The following P3H3 variants were observed in gnomAD, a reference collection of about 807,000 sequenced individuals.
P3H3 encodes the protein prolyl 3-hydroxylase 3.
In P3H3, 64 loss-of-function variants were observed where a neutral mutation model predicts 78.1. The ratio of observed to expected loss-of-function variants is 0.82; its 90% CI spans 0.67 to 1.01. P3H3 has a LOEUF of 1.01. Ranked by LOEUF, P3H3 falls within the 50% of genes least tolerant of loss-of-function variation. The probability of loss-of-function intolerance (pLI) is 0.00; values close to 1 mark genes in which losing one functional copy is unlikely to be tolerated. For synonymous variants in P3H3, 425 were observed against 416.7 expected, an observed-to-expected ratio of 1.02 and a Z score of -0.24; for missense variants, 975 against 982.2, an observed-to-expected ratio of 0.99 and a Z score of 0.10.
At position 6,829,423 on chromosome 12, in the gene P3H3, G is replaced by A. The variant is rs972698583; in HGVS notation, c.499-436G>A. 1.3e-5 allele frequency: 3 copies of A among 237,878 alleles called. No individual in the cohort carries two copies. Among genetic ancestry groups the A allele is most frequent in the Non-Finnish European group, 2.4e-5 (3 of 122,554 alleles). 14.7% of individuals were successfully genotyped at this position (237,878 alleles called of 1,614,324 possible). ...GCGGGCGGGGAGGGGACAGCACGCC[G>A]CAGCCGCCGGTACCGCAGCAGTTGC... On this transcript the variant is annotated intron_variant, in intron 1 of 14. Coordinates refer to ENST00000290510, the MANE Select transcript of P3H3 (RefSeq NM_014262.5). This position sits in a 1 kb window ranked among gnomAD's most constrained non-coding sequence, Gnocchi z 5.1.
Position 6,829,680 on chromosome 12 carries a change from C to G in P3H3, c.499-179C>G, listed in dbSNP as rs1386734290. ...GGTGCCAGCCTTCTGAGAGTCCCAACGTTCTGGCCTCTAGGGGATCTGCAG... is the reference window on the plus strand; with the variant it reads ...GGTGCCAGCCTTCTGAGAGTCCCAAGGTTCTGGCCTCTAGGGGATCTGCAG... On this transcript the variant is annotated intron_variant, in intron 1 of 14. Transcript: ENST00000290510. This position sits in a 1 kb window ranked among gnomAD's most constrained non-coding sequence, Gnocchi z 5.1. 2 of 646,116 alleles carry G rather than the reference C, an allele frequency of 3.1e-6. No homozygotes were observed. Among genetic ancestry groups the G allele is most frequent in the Non-Finnish European group, 5.4e-6 (2 of 370,288 alleles). 40.0% of individuals were successfully genotyped at this position (646,116 alleles called of 1,614,324 possible).
chr12:6,838,568 C>T (rs3759348), intron 13 of P3H3, among the ~76,000 whole-genome samples: 44,188 of 151,906 alleles, frequency 0.29, 6,594 homozygotes, highest in East Asian at 0.37. Context: ...TTCCGGACAC[C>T]AGGGGCTAGG....
chr12:6,834,926 G>A (rs968888394), intron 9 of P3H3: 1 of 140,460 alleles, frequency 7.1e-6, no homozygotes, highest in East Asian at 2.1e-4. Flanking sequence ...CAACAAGAGC[G>A]AAACTCCATC....
intron 13 of P3H3, among the ~76,000 whole-genome samples, chr12:6,838,794 G>A (rs1299765421): frequency 2.0e-5 from 3 of 152,120 alleles, no homozygotes; most frequent in Non-Finnish European, 2.9e-5. Flanking sequence ...TTTTCCTTTG[G>A]TTCCCAACTC....
chr12:6,838,454 C>T (rs149686316), intron 13 of P3H3, among the ~76,000 whole-genome samples: 27 of 152,080 alleles, frequency 1.8e-4, no homozygotes, highest in South Asian at 4.2e-4. Flanking sequence ...AATAATAGTA[C>T]GTATTTTAAA....
chr12:6,829,364 A>G lies in P3H3; in HGVS notation c.498+426A>G. The stretch of plus-strand genomic sequence containing the variant: ...GCTTCGGAAAGGAAGGAGCAGACGG[A>G]GGCAAGGTTGGGGTCCTCCGAGGCC... On this transcript the variant is annotated intron_variant, in intron 1 of 14. Coordinates refer to ENST00000290510, the MANE Select transcript of P3H3 (RefSeq NM_014262.5). This position sits in a 1 kb window ranked among gnomAD's most constrained non-coding sequence, Gnocchi z 5.1. 1 of 216,272 alleles carries G rather than the reference A, an allele frequency of 4.6e-6. No homozygotes were observed. Among genetic ancestry groups the G allele is most frequent in the Non-Finnish European group, 9.0e-6 (1 of 111,146 alleles). The allele number at this position is 216,272 out of a possible 1,614,324, so 13.4% of individuals were successfully genotyped here.
At position 6,834,019 on chromosome 12, in the gene P3H3, C is replaced by T. The variant is rs782033654; in HGVS notation, c.1428C>T (p.Ala476=). 1.3e-5 allele frequency: 21 copies of T among 1,613,692 alleles called. No individual in the cohort carries two copies. The East Asian group carries it at 2.2e-4, about 17-fold the overall frequency. ...TGTTGGATGGGCTGCTCACCCCAGC[C>T]GAGTGTGGGGTGCTGCTGCAGCTGG... ...RAVLDGLLTP[A]ECGVLLQLAK... The change falls in exon 9 of 15, where the codon GCC becomes GCT. Residue 476 remains alanine, a synonymous_variant. Coordinates refer to ENST00000290510, the MANE Select transcript of P3H3 (RefSeq NM_014262.5).
rs781808426 is a variant in P3H3, at chr12:6,830,958, G to A, written c.985+188G>A. 221 of 883,694 alleles carry A rather than the reference G, an allele frequency of 2.5e-4. 4 individuals are homozygous for A. In the South Asian group the frequency reaches 3.0e-3, roughly 12 times the overall value. 54.7% of individuals were successfully genotyped at this position (883,694 alleles called of 1,614,324 possible). On this transcript the variant is annotated intron_variant, in intron 4 of 14. Transcript: ENST00000290510. The stretch of plus-strand genomic sequence containing the variant: ...CGCCTGTGACAAGCTCAGGAGATGG[G>A]CTTCCTTCTGCCTTGCTGCTTCTCA...
intron 9 of P3H3, 75 bp downstream of exon 9, chr12:6,834,124 G>T: frequency 6.3e-7 from 1 of 1,589,332 alleles, no homozygotes. Flanking sequence ...CTCTTGGCCT[G>T]CCCCCTTCAT....
At position 6,829,429 on chromosome 12, in the gene P3H3, G is replaced by A. The variant is rs1439347659; in HGVS notation, c.499-430G>A. ...GGGGAGGGGACAGCACGCCGCAGCC[G>A]CCGGTACCGCAGCAGTTGCCTACGT... On this transcript the variant is annotated intron_variant, in intron 1 of 14. Coordinates refer to ENST00000290510, the MANE Select transcript of P3H3 (RefSeq NM_014262.5). This position sits in a 1 kb window ranked among gnomAD's most constrained non-coding sequence, Gnocchi z 5.1. 2.1e-5 allele frequency: 5 copies of A among 237,426 alleles called. No individual in the cohort carries two copies. Among genetic ancestry groups the A allele is most frequent in the African/African-American group, 9.4e-5 (4 of 42,650 alleles). 14.7% of individuals were successfully genotyped at this position (237,426 alleles called of 1,614,324 possible).
Position 6,828,769 on chromosome 12 carries a change from G to A in P3H3, c.329G>A (p.Trp110Ter). The A allele has an allele frequency of 1.6e-6, 2 of 1,242,848 alleles. No individual in the cohort carries two copies. The highest frequency in any genetic ancestry group is 3.4e-5 in the South Asian group (1 of 29,092). The allele number at this position is 1,242,848 out of a possible 1,614,324, so 77.0% of individuals were successfully genotyped here. A position where few individuals can be genotyped will look rare whatever the true frequency, so the allele number is the denominator to read the frequency against. The change falls in exon 1 of 15, where the codon TGG becomes TAG. Residue 110 changes from tryptophan to a stop codon, truncating the protein, a stop_gained. Transcript: ENST00000290510. LOFTEE classifies it high-confidence loss of function. ...GGGCCGGGACCCACGCAGGGGTCCT[G>A]GGAGCGACAGCTTCTCCGTGCAGCG... ...DSGPGPTQGSWERQLLRAALR... is the reference protein window; with the variant it reads ...DSGPGPTQGS
rs1565512129 is a variant in P3H3 at position 6,831,927 on chromosome 12, A to G, written c.1212+13A>G. The G allele has an allele frequency of 6.6e-7, 1 of 1,507,070 alleles. No individual in the cohort carries two copies. Among genetic ancestry groups the G allele is most frequent in the Non-Finnish European group, 9.2e-7 (1 of 1,088,854 alleles). 93.4% of individuals were successfully genotyped at this position (1,507,070 alleles called of 1,614,324 possible). A position where few individuals can be genotyped will look rare whatever the true frequency, so the allele number is the denominator to read the frequency against. Reference sequence around the variant, plus strand: ...CTTCAAGGATCCTGTGAGTCACTCCACTTCTGCCCATCTCACCCCTCCGCA... The same window carrying G: ...CTTCAAGGATCCTGTGAGTCACTCCGCTTCTGCCCATCTCACCCCTCCGCA... On this transcript the variant is annotated intron_variant, in intron 6 of 14. Transcript: ENST00000290510. This position sits in a 1 kb window ranked among gnomAD's most constrained non-coding sequence, Gnocchi z 4.6.
In P3H3 at chr12:6,839,075, G is replaced by A. The variant is rs1361789007; in HGVS notation, c.1981G>A (p.Val661Met). Residue 661 changes from valine (V) to methionine (M), a missense_variant, in exon 14 of 15, where the codon GTG (valine) becomes ATG (methionine). Physicochemically the swap from Val to Met is conservative, Grantham distance 21. Transcript: ENST00000290510. ...GVENPHGVWA[V>M]TRGRRCALAL... Reference sequence around the variant, plus strand: ...CGAGAATCCCCATGGGGTGTGGGCCGTGACTCGGGGACGGCGCTGTGCCCT... The same window carrying A: ...CGAGAATCCCCATGGGGTGTGGGCCATGACTCGGGGACGGCGCTGTGCCCT... 18 of 1,611,492 alleles carry A rather than the reference G, an allele frequency of 1.1e-5. No individual in the cohort carries two copies. The highest frequency in any genetic ancestry group is 3.3e-5 in the Admixed American group (2 of 59,808).
chr12:6,833,281 A>G (rs1943466931), intron 6 of P3H3: 3 of 386,770 alleles, frequency 7.8e-6, no homozygotes, highest in Non-Finnish European at 1.4e-5. Flanking sequence ...CAGGGCTCTC[A>G]ATTACAAAAT....
chr12:6,832,268 T>C (rs1273291709), intron 6 of P3H3, among the ~76,000 whole-genome samples: 1 of 152,234 alleles, frequency 6.6e-6, no homozygotes, highest in Non-Finnish European at 1.5e-5. Flanking sequence ...TTTCTCTTCT[T>C]GTAGTTATGA....
chr12:6,830,086 G>A (rs2137957832), intron 2 of P3H3, 75 bp downstream of exon 2: 1 of 1,568,744 alleles, frequency 6.4e-7, no homozygotes, highest in Admixed American at 1.8e-5. Context: ...ACTAAACTGT[G>A]CGTTGTGCTG....
In P3H3 at chr12:6,829,951, C is replaced by G. The variant is rs1482926284; in HGVS notation, c.591C>G (p.Tyr197Ter). The change falls in exon 2 of 15, where the codon TAC becomes TAG. Residue 197 changes from tyrosine to a stop codon, truncating the protein, a stop_gained. Transcript: ENST00000290510. LOFTEE classifies it high-confidence loss of function. The surrounding 1 kb of genome is among the most constrained non-coding windows in gnomAD (Gnocchi z 5.1). ...AGATGCGGGAGGACATGGCTAAGTA[C>G]AGACGAATGTCGGGAGTTCGGCCCC... ...HLQMREDMAK[Y>*]RRMSGVRPQS... is the part of the protein sequence containing the mutation. The G allele has an allele frequency of 9.9e-6, 16 of 1,614,044 alleles. No individual in the cohort carries two copies. Among genetic ancestry groups the G allele is most frequent in the African/African-American group, 4.0e-5 (3 of 75,062 alleles).
In P3H3 at chr12:6,839,552, C is replaced by G. The variant is rs781891882; in HGVS notation, c.*91C>G. 1.4e-6 allele frequency: 2 copies of G among 1,427,260 alleles called. No individual in the cohort carries two copies. The highest frequency in any genetic ancestry group is 1.4e-5 in the South Asian group (1 of 73,996). 88.4% of individuals were successfully genotyped at this position (1,427,260 alleles called of 1,614,324 possible). ...CACACAGGAAGCCCCTGTGTGACATCAGGAGCAGAACAGCAAGCTCTCTGT... is the reference window on the plus strand; with the variant it reads ...CACACAGGAAGCCCCTGTGTGACATGAGGAGCAGAACAGCAAGCTCTCTGT... On this transcript the variant is annotated 3_prime_UTR_variant, in exon 15 of 15. Coordinates refer to ENST00000290510, the MANE Select transcript of P3H3 (RefSeq NM_014262.5).
At chr12:6,837,930 A>G in intron 12 of P3H3, 28 bp from the exon 13 acceptor site, 1 of 1,595,272 alleles carries the variant, frequency 6.3e-7, no homozygotes, top group Non-Finnish European at 8.5e-7. Flanking sequence ...TTGGGGTCTC[A>G]CTGCCTCTTG....
Sources: gnomAD v4.1 joint callset for allele counts (sites outside exome capture counted in the v4.1 genomes callset) on GRCh38, gnomAD v4.1.1 for gene constraint, Gnocchi (gnomAD v3.1) non-coding constraint, MANE v1.5 for transcripts, NCBI Gene and HGNC (gene_info 2026-07-23, HGNC 2026-07-21) for gene names.